TNIP1: variants seen among roughly 807,000 people sequenced by gnomAD.
The protein encoded by TNIP1 is TNFAIP3-interacting protein 1.
In TNIP1, 22 loss-of-function variants were observed where a neutral mutation model predicts 86.6. That is an observed-to-expected ratio of 0.25 (90% CI 0.18 to 0.36). TNIP1 has a LOEUF of 0.36. TNIP1 is among the 10% of genes least tolerant of loss of function. The pLI is 1.00. For missense variants in TNIP1, 709 were observed against 820.6 expected, an observed-to-expected ratio of 0.86 and a Z score of 1.66; for synonymous variants, 294 against 313.0, an observed-to-expected ratio of 0.94 and a Z score of 0.64.
intron 7 of TNIP1, among the ~76,000 whole-genome samples, chr5:151,051,307 G>A (rs1759899335): frequency 1.3e-5 from 2 of 152,078 alleles, no homozygotes; most frequent in African/African-American, 4.8e-5. Context: ...AGGAGAGGAG[G>A]GAAAAACAGA....
chr5:151,070,837 T>C (rs1340315031), intron 1 of TNIP1, among the ~76,000 whole-genome samples: 1 of 152,096 alleles, frequency 6.6e-6, no homozygotes, highest in East Asian at 1.9e-4. Context: ...AACTACTCTG[T>C]TCAATACTGT....
rs1333246115 is a variant in TNIP1, at chr5:151,063,625, C to A, written c.259G>T (p.Ala87Ser). The A allele has an allele frequency of 6.2e-7, 1 of 1,613,882 alleles. No homozygotes were observed. Among genetic ancestry groups the A allele is most frequent in the Admixed American group, 1.7e-5 (1 of 59,992 alleles). ...SPSLGSFDPL[A>S]ELTGKDSNVT... ...ACTCCTCTTATACCTGTGAGCTCAG[C>A]CAGGGGGTCGAAGGAGCCCAAGGAG... Residue 87 changes from alanine to serine, a missense_variant, in exon 3 of 18, where the codon GCT (alanine) becomes TCT (serine). By Grantham distance (99) the Ala-to-Ser change is moderately conservative. Coordinates refer to ENST00000521591, the MANE Select transcript of TNIP1 (RefSeq NM_006058.5).
chr5:151,033,658 TGGGGGGAG>T lies in TNIP1; in HGVS notation c.1721_1728del (p.Pro574HisfsTer55). 1.2e-5 allele frequency: 5 copies of T among 410,678 alleles called. No individual in the cohort carries two copies. Among genetic ancestry groups the T allele is most frequent in the Non-Finnish European group, 1.8e-5 (5 of 284,344 alleles). The allele number at this position is 410,678 out of a possible 1,614,324, so 25.4% of individuals were successfully genotyped here. A position where few individuals can be genotyped will look rare whatever the true frequency, so the allele number is the denominator to read the frequency against. On this transcript the variant is annotated frameshift_variant, in exon 16 of 18. Transcript: ENST00000521591. LOFTEE classifies it high-confidence loss of function. ...AGTGGGGGCGGGTGCTCCATGGCCA[TGGGGGGAG>T]GGGGGTAGCGGATCTGGGACCAGTC...
chr5:151,049,608 A>C (rs904744935), intron 8 of TNIP1, among the ~76,000 whole-genome samples: 7 of 152,212 alleles, frequency 4.6e-5, no homozygotes, highest in African/African-American at 1.4e-4. Context: ...AGCCAGGAGA[A>C]GAGAAGGCTT....
At chr5:151,034,502 C>T (rs1454325176) in intron 15 of TNIP1, 9 of 260,312 alleles carry the variant, frequency 3.5e-5, no homozygotes, top group South Asian at 2.5e-4. Context: ...TACATGGGCA[C>T]GGAAGGCTGG....
chr5:151,052,334 T>A, intron 6 of TNIP1, 75 bp from the exon 7 acceptor site: 1 of 1,284,916 alleles, frequency 7.8e-7, no homozygotes, highest in Non-Finnish European at 1.1e-6. Context: ...TAGAGGATGG[T>A]GGGGGGCCTG....
At chr5:151,060,191 GT>G (rs1761371536) in intron 5 of TNIP1, 126 bp downstream of exon 5, 1 of 925,148 alleles carries the variant, frequency 1.1e-6, no homozygotes, top group Non-Finnish European at 1.7e-6. Flanking sequence ...CCTGCCCCTC[GT>G]GTATCCCCAA....
In TNIP1 at chr5:151,039,118, C is replaced by T; in HGVS notation, c.1242G>A (p.Lys414=). ...CCACCTTGTTGAGCCGCTGGATCTC[C>T]TTTTCCTGGTACTCACGCTGTCGGG... ...PLTRQREYQE[K]EIQRLNKALE... The change falls in exon 12 of 18, where the codon AAG becomes AAA. Residue 414 remains lysine (K), a synonymous_variant. Transcript: ENST00000521591. The T allele has an allele frequency of 6.2e-7, 1 of 1,613,896 alleles. No homozygotes were observed. Among genetic ancestry groups the T allele is most frequent in the Middle Eastern group, 1.7e-4 (1 of 6,038 alleles).
intron 1 of TNIP1, among the ~76,000 whole-genome samples, chr5:151,073,762 T>C (rs1275813192): frequency 6.6e-6 from 1 of 152,098 alleles, no homozygotes; most frequent in African/African-American, 2.4e-5. Flanking sequence ...TAGCAGAGCA[T>C]GGTGGCACAT....
intron 5 of TNIP1, among the ~76,000 whole-genome samples, chr5:151,057,193 C>T (rs1760781659): frequency 6.6e-6 from 1 of 152,266 alleles, no homozygotes. Flanking sequence ...CATCCTCCCA[C>T]ACACTGGGCC....
intron 2 of TNIP1, 89 bp downstream of exon 2, chr5:151,064,871 C>A: frequency 6.3e-7 from 1 of 1,582,922 alleles, no homozygotes; most frequent in Non-Finnish European, 8.6e-7. Context: ...GAGGCATATG[C>A]CAGCTTCATT....
At chr5:151,037,138 C>A in intron 12 of TNIP1, 1 of 481,030 alleles carries the variant, frequency 2.1e-6, no homozygotes. Flanking sequence ...AGACTATGAT[C>A]ATCATCCTCA....
intron 1 of TNIP1, among the ~76,000 whole-genome samples, chr5:151,068,147 T>C (rs1581893446): frequency 1.3e-5 from 2 of 152,082 alleles, no homozygotes; most frequent in African/African-American, 2.4e-5. Context: ...AAATATCCTA[T>C]TGTGGGAAAA....
intron 2 of TNIP1, among the ~76,000 whole-genome samples, chr5:151,064,219 C>T (rs1385780460): frequency 2.0e-5 from 3 of 152,192 alleles, no homozygotes; most frequent in Non-Finnish European, 4.4e-5. Context: ...GGAAACCACT[C>T]CTCCCTCCCC....
intron 1 of TNIP1, among the ~76,000 whole-genome samples, chr5:151,071,113 G>A (rs1442724216): frequency 1.3e-5 from 2 of 152,130 alleles, no homozygotes; most frequent in Non-Finnish European, 2.9e-5. Context: ...TAAAAAATAA[G>A]GTCTTTAATT....
At chr5:151,076,352 A>G (rs1763397569) in intron 1 of TNIP1, among the ~76,000 whole-genome samples, 1 of 152,182 alleles carries the variant, frequency 6.6e-6, no homozygotes. Flanking sequence ...GTGGGGGCAT[A>G]GCAGCAAGAA....
Position 151,074,509 on chromosome 5 carries a change from G to T in TNIP1, c.-37+6371C>A, listed in dbSNP as rs1763161740. ...CCTCACTTTCCTTGTTTCTCCCTAT[G>T]GAAATGTTATGAGGACCAAGTAGGA... On this transcript the variant is annotated intron_variant, in intron 1 of 17. Coordinates refer to ENST00000521591, the MANE Select transcript of TNIP1 (RefSeq NM_006058.5). Among the ~76,000 whole-genome samples, 3 of 152,102 alleles carry T rather than the reference G, an allele frequency of 2.0e-5. No homozygotes were observed. The South Asian group carries it at 6.2e-4, about 31-fold the overall frequency.
At position 151,052,211 on chromosome 5, in the gene TNIP1, A is replaced by G. The variant is rs373432134; in HGVS notation, c.676T>C (p.Leu226=). ...TCCCGCTGTTCCAGGCCCTTATCCAACTTGGCCTTCAGAGCCTCGTTCTCC... is the reference window on the plus strand; with the variant it reads ...TCCCGCTGTTCCAGGCCCTTATCCAGCTTGGCCTTCAGAGCCTCGTTCTCC... ...RKENEALKAK[L]DKGLEQRDQA... The change falls in exon 7 of 18, where the codon TTG becomes CTG. Residue 226 remains leucine, a synonymous_variant. Transcript: ENST00000521591. 2.5e-6 allele frequency: 4 copies of G among 1,613,872 alleles called. No homozygotes were observed. Among genetic ancestry groups the G allele is most frequent in the South Asian group, 1.1e-5 (1 of 91,074 alleles).
At chr5:151,032,516 C>T (rs1757040243) in intron 16 of TNIP1, 133 bp from the exon 17 acceptor site, 1 of 883,150 alleles carries the variant, frequency 1.1e-6, no homozygotes, top group African/African-American at 1.7e-5. Flanking sequence ...GGCTGGCACT[C>T]CCATTTCACA....
Sources: allele counts gnomAD v4.1 joint callset (sites outside exome capture counted in the v4.1 genomes callset), GRCh38; gene constraint gnomAD v4.1.1; transcripts MANE v1.5; gene names NCBI Gene and HGNC (gene_info 2026-07-23, HGNC 2026-07-21).